Variants in DDAH1 observed in about 807,000 individuals in gnomAD.
DDAH1 encodes the protein dimethylarginine dimethylaminohydrolase 1.
In DDAH1, 19 loss-of-function variants were observed where a neutral mutation model predicts 28.8. That is an observed-to-expected ratio of 0.66 (90% confidence interval 0.46 to 0.97). The LOEUF is 0.97. DDAH1 is among the 50% of genes least tolerant of loss of function. The probability of loss-of-function intolerance (pLI) is 0.00; values close to 1 mark genes in which losing one functional copy is unlikely to be tolerated. For synonymous variants in DDAH1, 153 were observed against 154.4 expected, an observed-to-expected ratio of 0.99 and a Z score of 0.07; for missense variants, 326 against 375.9, an observed-to-expected ratio of 0.87 and a Z score of 1.10.
intron 2 of DDAH1, among the ~76,000 whole-genome samples, 185 bp downstream of exon 2, chr1:85,358,563 C>T (rs1171387610): frequency 3.3e-5 from 5 of 152,084 alleles, no homozygotes; most frequent in East Asian, 1.9e-4. Context: ...GCAGGAGAAT[C>T]GCTTGAACCC....
intron 1 of DDAH1, among the ~76,000 whole-genome samples, chr1:85,430,308 G>A (rs1370882484): frequency 1.3e-5 from 2 of 151,996 alleles, no homozygotes; most frequent in Admixed American, 6.6e-5. Context: ...GTAGCCTTGT[G>A]GTATAGTTTG....
chr1:85,332,332 G>A (rs1306965224), intron 4 of DDAH1, among the ~76,000 whole-genome samples: 1 of 152,174 alleles, frequency 6.6e-6, no homozygotes, highest in East Asian at 1.9e-4. Context: ...TGCACACTGG[G>A]GAGGGTGATC....
At chr1:85,426,121 T>C (rs1653384244) in intron 1 of DDAH1, among the ~76,000 whole-genome samples, 2 of 152,194 alleles carry the variant, frequency 1.3e-5, no homozygotes, top group Admixed American at 1.3e-4. Context: ...AAATGAGAGC[T>C]CAGTAAAAGC....
chr1:85,432,016 A>T (rs1405539321), intron 1 of DDAH1, among the ~76,000 whole-genome samples: 1 of 152,180 alleles, frequency 6.6e-6, no homozygotes, highest in Non-Finnish European at 1.5e-5. Context: ...TATTTTGTTA[A>T]CTCCTAAATA....
intron 1 of DDAH1, among the ~76,000 whole-genome samples, chr1:85,446,098 C>T (rs1005640405): frequency 1.3e-5 from 2 of 152,170 alleles, no homozygotes. Context: ...AGCTGTACCG[C>T]CCCAGCAATT....
At chr1:85,561,701 A>T (rs1426523213) in intron 1 of DDAH1, among the ~76,000 whole-genome samples, 2 of 152,208 alleles carry the variant, frequency 1.3e-5, no homozygotes, top group East Asian at 1.9e-4. Flanking sequence ...ACACAATTAA[A>T]ATGGTATAAC....
At chr1:85,436,781 G>T (rs1653962915) in intron 1 of DDAH1, among the ~76,000 whole-genome samples, 1 of 152,302 alleles carries the variant, frequency 6.6e-6, no homozygotes, top group South Asian at 2.1e-4. Context: ...GAAGGGAGGT[G>T]AGGGTCACAG....
At chr1:85,487,860 C>T (rs1656257485) in intron 2 of DDAH1, among the ~76,000 whole-genome samples, 1 of 152,048 alleles carries the variant, frequency 6.6e-6, no homozygotes, top group Admixed American at 6.6e-5. Context: ...TTGCAGTACA[C>T]ATTGGCACTC....
intron 1 of DDAH1, among the ~76,000 whole-genome samples, chr1:85,435,942 C>T (rs2100643983): frequency 1.4e-5 from 2 of 142,708 alleles, no homozygotes; most frequent in South Asian, 2.2e-4. Context: ...TGGCGTGTGC[C>T]ACAATGCCCG....
chr1:85,323,682 C>A (rs981320921), intron 5 of DDAH1, among the ~76,000 whole-genome samples: 1 of 152,118 alleles, frequency 6.6e-6, no homozygotes. Flanking sequence ...ACTCCTCTAC[C>A]TAAAGAAACA....
At chr1:85,429,915 A>G (rs1238993520) in intron 1 of DDAH1, among the ~76,000 whole-genome samples, 1 of 152,152 alleles carries the variant, frequency 6.6e-6, no homozygotes, top group Non-Finnish European at 1.5e-5. Flanking sequence ...GCCCTTTGTC[A>G]GATGGATAGA....
chr1:85,538,460 T>G (rs1658360467), intron 1 of DDAH1, among the ~76,000 whole-genome samples: 2 of 152,156 alleles, frequency 1.3e-5, no homozygotes, highest in South Asian at 2.1e-4. Flanking sequence ...TAGTGTTGGA[T>G]TGCCCTAAAA....
At chr1:85,416,074 G>A (rs552765670) in intron 1 of DDAH1, among the ~76,000 whole-genome samples, 1 of 152,162 alleles carries the variant, frequency 6.6e-6, no homozygotes, top group East Asian at 1.9e-4. Context: ...TATTAATACT[G>A]ATGCTCATAC....
intron 2 of DDAH1, among the ~76,000 whole-genome samples, chr1:85,483,582 G>C (rs1220974370): frequency 3.9e-5 from 6 of 152,228 alleles, no homozygotes; most frequent in Non-Finnish European, 7.3e-5. Context: ...AACACCCCCA[G>C]TGGGTCCTGG....
chr1:85,361,710 C>T (rs1649807060), intron 1 of DDAH1, among the ~76,000 whole-genome samples: 1 of 152,050 alleles, frequency 6.6e-6, no homozygotes, highest in Non-Finnish European at 1.5e-5. Context: ...ATTTTTTGCC[C>T]CATTTTTCTC....
At chr1:85,461,228 A>AT (rs971196329) in intron 1 of DDAH1, among the ~76,000 whole-genome samples, 1 of 152,182 alleles carries the variant, frequency 6.6e-6, no homozygotes, top group African/African-American at 2.4e-5. Flanking sequence ...AACATAAAAA[A>AT]TACTCAAAAT....
At chr1:85,407,790 T>A (rs1439210320) in intron 1 of DDAH1, among the ~76,000 whole-genome samples, 1 of 152,148 alleles carries the variant, frequency 6.6e-6, no homozygotes, top group Non-Finnish European at 1.5e-5. Context: ...GTAACAGATA[T>A]CCCATGTCTC....
chr1:85,429,173 A>AC (rs1484754763), intron 1 of DDAH1, among the ~76,000 whole-genome samples: 1 of 119,588 alleles, frequency 8.4e-6, no homozygotes, highest in Non-Finnish European at 1.8e-5. Flanking sequence ...CTAGCCTCCC[A>AC]CCCCCCAGCA....
In DDAH1 at chr1:85,321,241, T is replaced by C. The variant is rs1661324451; in HGVS notation, c.*211A>G. Reference sequence around the variant, plus strand: ...GCTCTGTATCTTCTAGGTTGCTTAATTCATTTAGCAAATCCACAGCTTAGG... The same window carrying C: ...GCTCTGTATCTTCTAGGTTGCTTAACTCATTTAGCAAATCCACAGCTTAGG... On this transcript the variant is annotated 3_prime_UTR_variant, in exon 6 of 6. Transcript: ENST00000284031. The C allele has an allele frequency of 1.9e-6, 1 of 514,858 alleles. No homozygotes were observed. Among genetic ancestry groups the C allele is most frequent in the Non-Finnish European group, 3.5e-6 (1 of 286,204 alleles). 31.9% of individuals were successfully genotyped at this position (514,858 alleles called of 1,614,324 possible).
Sources: allele counts gnomAD v4.1 joint callset (sites outside exome capture counted in the v4.1 genomes callset), GRCh38; gene constraint gnomAD v4.1.1; transcripts MANE v1.5; gene names NCBI Gene and HGNC (gene_info 2026-07-23, HGNC 2026-07-21).